ACTR3B: variants seen among roughly 807,000 people sequenced by gnomAD.
The protein encoded by ACTR3B is actin related protein 3B.
Under a neutral mutation model 59.0 loss-of-function variants are expected in ACTR3B, and 8 were observed. That is an observed-to-expected ratio of 0.14 (90% CI 0.08 to 0.24). The LOEUF is 0.24. Ranked by LOEUF, ACTR3B falls within the 10% of genes least tolerant of loss-of-function variation. ACTR3B has a pLI of 1.00. For missense variants in ACTR3B, 245 were observed against 552.3 expected (o/e 0.44, Z 5.58); for synonymous variants, 148 against 197.9 (o/e 0.75, Z 2.12).
intron 9 of ACTR3B, among the ~76,000 whole-genome samples, chr7:152,851,860 G>T (rs1362264694): frequency 6.6e-6 from 1 of 152,140 alleles, no homozygotes; most frequent in African/African-American, 2.4e-5. Context: ...TTGGCAGGGG[G>T]AGCATGAGGG....
chr7:152,810,177 G>C (rs1193873975), intron 4 of ACTR3B, among the ~76,000 whole-genome samples: 1 of 152,080 alleles, frequency 6.6e-6, no homozygotes, highest in African/African-American at 2.4e-5. Flanking sequence ...CACCACCTCA[G>C]CTCACTGTAA....
At chr7:152,835,293 C>A (rs1475888940) in intron 9 of ACTR3B, among the ~76,000 whole-genome samples, 1 of 152,158 alleles carries the variant, frequency 6.6e-6, no homozygotes, top group Non-Finnish European at 1.5e-5. Context: ...GTCACCCTTA[C>A]ACAGGCTGAA....
intron 4 of ACTR3B, among the ~76,000 whole-genome samples, chr7:152,807,055 G>C (rs1038640573): frequency 7.9e-5 from 12 of 152,162 alleles, no homozygotes; most frequent in African/African-American, 2.9e-4. Context: ...CTCCTGCTTG[G>C]CATTGCCATC....
chr7:152,789,221 C>G (rs1403888895), intron 2 of ACTR3B, among the ~76,000 whole-genome samples: 1 of 150,572 alleles, frequency 6.6e-6, no homozygotes, highest in African/African-American at 2.5e-5. Context: ...GAGAACCTGT[C>G]TCTACCAGAA....
At chr7:152,798,999 C>T (rs990187911) in intron 2 of ACTR3B, among the ~76,000 whole-genome samples, 3 of 152,102 alleles carry the variant, frequency 2.0e-5, no homozygotes, top group South Asian at 2.1e-4. Context: ...TCCATGTGAA[C>T]TTAGGATTAT....
intron 3 of ACTR3B, 116 bp from the exon 4 acceptor site, chr7:152,801,505 T>G (rs1342765774): frequency 3.2e-5 from 43 of 1,337,226 alleles, no homozygotes; most frequent in Non-Finnish European, 5.1e-6. Context: ...TAACAAAAAC[T>G]GCAATAAGAA....
intron 1 of ACTR3B, 115 bp downstream of exon 1, chr7:152,760,041 TC>T: frequency 1.0e-6 from 1 of 991,140 alleles, no homozygotes; most frequent in Non-Finnish European, 1.3e-6. Flanking sequence ...AGCCCCGCGA[TC>T]ACCTGGGCAG....
intron 1 of ACTR3B, among the ~76,000 whole-genome samples, chr7:152,774,222 C>T (rs1490718617): frequency 2.0e-5 from 3 of 152,180 alleles, no homozygotes; most frequent in Non-Finnish European, 4.4e-5. Context: ...CTGCAACCTC[C>T]GCCTCCTGGG....
At chr7:152,796,860 GTTTTTTTTTTTTTTTTTT>G (rs779909545) in intron 2 of ACTR3B, among the ~76,000 whole-genome samples, 92 of 54,724 alleles carry the variant, frequency 1.7e-3, no homozygotes, top group African/African-American at 6.0e-3. Context: ...TAGTTTTTGT[GTTTTTTTTTTTTTTTTTT>G]TTTTTTTTTT....
chr7:152,760,457 C>T lies in ACTR3B; in HGVS notation c.44+531C>T, dbSNP rs1240844731. On this transcript the variant is annotated intron_variant, in intron 1 of 11. Transcript: ENST00000256001. Reference sequence around the variant, plus strand: ...TTCCTCCTGGCTGAGGATTCTTTACCACCTACTTGTGGAGAGAATAGCATC... The same window carrying T: ...TTCCTCCTGGCTGAGGATTCTTTACTACCTACTTGTGGAGAGAATAGCATC... Among the ~76,000 whole-genome samples, 13 of 152,310 alleles carry T rather than the reference C, an allele frequency of 8.5e-5. 1 individual carries two copies. In the South Asian group the frequency reaches 1.5e-3, roughly 17 times the overall value.
In ACTR3B at chr7:152,852,207, G is replaced by A; in HGVS notation, c.1033G>A (p.Ala345Thr). 1 of 1,614,092 alleles carries A rather than the reference G, an allele frequency of 6.2e-7. No individual in the cohort carries two copies. The highest frequency in any genetic ancestry group is 8.5e-7 in the Non-Finnish European group (1 of 1,180,028). The change falls in exon 10 of 12, where the codon GCT (alanine) becomes ACT (threonine). Residue 345 changes from alanine (A) to threonine (T), a missense_variant. By Grantham distance (58) the Ala-to-Thr change is moderately conservative. This residue lies in a region of ACTR3B where 153 missense variants were observed against 266.2 expected (regional missense o/e 0.57). Coordinates refer to ENST00000256001, the MANE Select transcript of ACTR3B (RefSeq NM_020445.6). ...LQRDLKRVVDARLRLSEELSG... is the reference protein window; with the variant it reads ...LQRDLKRVVDTRLRLSEELSG... ...GAGGGATTTGAAGAGAGTGGTGGAT[G>A]CTAGGCTGAGGCTCAGCGAGGAGCT... is the stretch of plus-strand genomic sequence containing the variant.
intron 2 of ACTR3B, among the ~76,000 whole-genome samples, chr7:152,795,918 A>T (rs2098214900): frequency 1.3e-5 from 2 of 150,572 alleles, no homozygotes; most frequent in South Asian, 4.2e-4. Flanking sequence ...ATCTCGGCTC[A>T]CTGCAACCTC....
At chr7:152,834,908 A>G (rs1797322493) in intron 9 of ACTR3B, among the ~76,000 whole-genome samples, 1 of 152,142 alleles carries the variant, frequency 6.6e-6, no homozygotes, top group African/African-American at 2.4e-5. Flanking sequence ...TGCAGTTCTG[A>G]GTGGGCTGTG....
In ACTR3B at chr7:152,839,178, A is replaced by AG. The variant is rs1797692422; in HGVS notation, c.952-12946dup. On this transcript the variant is annotated intron_variant, in intron 9 of 11. Transcript: ENST00000256001. ...GCTACTTTACAAATTGGTCTATACA[A>AG]GGTGGGGTCCGAATTCTGTGTCACA... Among the ~76,000 whole-genome samples, 9 of 147,234 alleles carry AG rather than the reference A, an allele frequency of 6.1e-5. No homozygotes were observed. In the South Asian group the frequency reaches 1.9e-3, roughly 32 times the overall value.
intron 1 of ACTR3B, among the ~76,000 whole-genome samples, chr7:152,763,390 T>G (rs565378460): frequency 6.6e-6 from 1 of 151,950 alleles, no homozygotes; most frequent in African/African-American, 2.4e-5. Flanking sequence ...TTCTTAAACT[T>G]TCATCCATTA....
intron 9 of ACTR3B, among the ~76,000 whole-genome samples, chr7:152,848,695 A>T (rs929974501): frequency 6.6e-6 from 1 of 152,160 alleles, no homozygotes; most frequent in Non-Finnish European, 1.5e-5. Flanking sequence ...AAATACCAAC[A>T]TGCTTTTAAG....
At chr7:152,819,056 A>C (rs887093556) in intron 6 of ACTR3B, among the ~76,000 whole-genome samples, 1 of 152,254 alleles carries the variant, frequency 6.6e-6, no homozygotes, top group African/African-American at 2.4e-5. Flanking sequence ...AATGCATAGA[A>C]TATAATAATT....
intron 6 of ACTR3B, among the ~76,000 whole-genome samples, chr7:152,817,704 T>A (rs1795816208): frequency 6.6e-6 from 1 of 152,176 alleles, no homozygotes; most frequent in Non-Finnish European, 1.5e-5. Context: ...TCTGCATATG[T>A]ATATGGGGGG....
intron 1 of ACTR3B, among the ~76,000 whole-genome samples, chr7:152,768,784 C>T (rs923230214): frequency 6.6e-6 from 1 of 151,492 alleles, no homozygotes; most frequent in South Asian, 2.1e-4. Context: ...CTAGGAGATA[C>T]AATCTTTATA....
Sources: allele counts gnomAD v4.1 joint callset (sites outside exome capture counted in the v4.1 genomes callset), GRCh38; gene constraint gnomAD v4.1.1; regional missense constraint gnomAD v4.1.1; transcripts MANE v1.5; gene names NCBI Gene and HGNC (gene_info 2026-07-23, HGNC 2026-07-21).